The following GATAD2B variants were observed in gnomAD, a reference collection of about 807,000 sequenced individuals.
GATAD2B encodes GATA zinc finger domain containing 2B.
A neutral mutation model predicts 64.3 loss-of-function variants in GATAD2B; 8 were observed. The observed-to-expected ratio is 0.12, with a 90% CI of 0.07 to 0.22. The LOEUF is 0.22. Among genes scored for constraint, GATAD2B ranks in the 10% least tolerant of loss-of-function variants. The pLI, the probability that GATAD2B is intolerant of heterozygous loss-of-function variation, is 1.00. For synonymous variants in GATAD2B, 281 were observed against 271.3 expected (o/e 1.04, Z -0.35); for missense variants, 453 against 752.0 (o/e 0.60, Z 4.65).
chr1:153,902,246 G>A (rs142296813), intron 1 of GATAD2B, among the ~76,000 whole-genome samples: 3,683 of 151,718 alleles, frequency 0.024, 74 homozygotes, highest in Non-Finnish European at 0.041. Context: ...GCGCCACTGC[G>A]CTCCAGCCTG....
intron 1 of GATAD2B, among the ~76,000 whole-genome samples, chr1:153,870,370 A>G (rs974250600): frequency 2.0e-5 from 3 of 152,100 alleles, no homozygotes; most frequent in Non-Finnish European, 4.4e-5. Flanking sequence ...AGGAGATCGA[A>G]ACCATCCTGG....
At chr1:153,861,308 CT>C (rs989452895) in intron 1 of GATAD2B, among the ~76,000 whole-genome samples, 1 of 151,776 alleles carries the variant, frequency 6.6e-6, no homozygotes, top group Non-Finnish European at 1.5e-5. Flanking sequence ...CCCTAGCACT[CT>C]GGAAGGCCAA....
At chr1:153,863,782 C>T (rs921946116) in intron 1 of GATAD2B, among the ~76,000 whole-genome samples, 2 of 151,874 alleles carry the variant, frequency 1.3e-5, no homozygotes, top group Non-Finnish European at 2.9e-5. Flanking sequence ...TGCCACAATG[C>T]CTGGGTAATT....
chr1:153,893,753 T>C (rs997042452), intron 1 of GATAD2B, among the ~76,000 whole-genome samples: 21 of 149,884 alleles, frequency 1.4e-4, no homozygotes, highest in African/African-American at 5.2e-4. Context: ...GGGTCAGGAG[T>C]TCGAGAACAG....
chr1:153,839,604 GAA>G (rs1675406008), intron 1 of GATAD2B, among the ~76,000 whole-genome samples: 1 of 152,184 alleles, frequency 6.6e-6, no homozygotes, highest in Non-Finnish European at 1.5e-5. Flanking sequence ...TGTTACTTAT[GAA>G]AAGTTATCAG....
intron 1 of GATAD2B, among the ~76,000 whole-genome samples, chr1:153,865,017 C>T (rs1375900896): frequency 6.6e-6 from 1 of 152,106 alleles, no homozygotes; most frequent in Non-Finnish European, 1.5e-5. Context: ...TTGCGGTAAG[C>T]CGAGATCCCG....
At position 153,806,222 on chromosome 1, in the gene GATAD2B, G is replaced by A. The variant is rs1023380938; in HGVS notation, c.*3955C>T. On this transcript the variant is annotated 3_prime_UTR_variant, in exon 11 of 11. Coordinates refer to ENST00000368655, the MANE Select transcript of GATAD2B (RefSeq NM_020699.4). ...GCCCCCGGGAACTGCCCCATTCCTC[G>A]GCTACCTCCCAGCCCCCAGCACTTC... is the stretch of plus-strand genomic sequence containing the variant. 4 of 152,126 alleles carry A rather than the reference G, an allele frequency of 2.6e-5. No individual in the cohort carries two copies. The highest frequency in any genetic ancestry group is 1.9e-4 in the East Asian group (1 of 5,196). The allele number at this position is 152,126 out of a possible 1,614,324, so 9.4% of individuals were successfully genotyped here.
intron 2 of GATAD2B, among the ~76,000 whole-genome samples, chr1:153,820,924 A>G (rs796906344): frequency 3.4e-5 from 5 of 148,446 alleles, no homozygotes; most frequent in African/African-American, 7.5e-5. Context: ...ACAGATCGCT[A>G]GCTGTCCACT....
rs71093286 is a variant in GATAD2B at position 153,816,059 on chromosome 1, A to AACACACACACACACACACACAC, written c.1216+192_1216+213dup. Among the ~76,000 whole-genome samples the AACACACACACACACACACACAC allele has an allele frequency of 2.5e-4, 35 of 141,882 alleles. No individual in the cohort carries two copies. The highest frequency in any genetic ancestry group is 1.9e-3 in the South Asian group (8 of 4,290). 93.1% of individuals were successfully genotyped at this position (141,882 alleles called of 152,430 possible). The stretch of plus-strand genomic sequence containing the variant: ...CAGAGCGAGACTGCATCTCAAACAA[A>AACACACACACACACACACACAC]ACACACACACACACACACACACACA... On this transcript the variant is annotated intron_variant, in intron 7 of 10. Coordinates refer to ENST00000368655, the MANE Select transcript of GATAD2B (RefSeq NM_020699.4). The surrounding 1 kb of genome is among the most constrained non-coding windows in gnomAD (Gnocchi z 4.9).
At chr1:153,920,441 C>A (rs1557837702) in intron 1 of GATAD2B, among the ~76,000 whole-genome samples, 1 of 152,232 alleles carries the variant, frequency 6.6e-6, no homozygotes, top group Admixed American at 6.5e-5. Context: ...TCTGCCACCA[C>A]CCTGTGGCCC....
At chr1:153,922,073 G>A (rs941313426) in intron 1 of GATAD2B, 1 of 152,272 alleles carries the variant, frequency 6.6e-6, no homozygotes, top group African/African-American at 2.4e-5. Flanking sequence ...CATAGCCTGA[G>A]ACAATTCTCT....
rs148751483 is a variant in GATAD2B, at chr1:153,846,253, G to T, written c.-1-17905C>A. ...GCTTCCTTCTTGCTATGTTTGTTTTGAGACAGTCTCACTCTGTCACCCAGG... is the reference window on the plus strand; with the variant it reads ...GCTTCCTTCTTGCTATGTTTGTTTTTAGACAGTCTCACTCTGTCACCCAGG... On this transcript the variant is annotated intron_variant, in intron 1 of 10. Coordinates refer to ENST00000368655, the MANE Select transcript of GATAD2B (RefSeq NM_020699.4). Among the ~76,000 whole-genome samples the T allele has an allele frequency of 9.5e-3, 1,441 of 151,846 alleles. 14 individuals are homozygous for T. The highest frequency in any genetic ancestry group is 0.072 in the Middle Eastern group (21 of 292).
At chr1:153,824,940 G>A (rs1674817284) in intron 2 of GATAD2B, among the ~76,000 whole-genome samples, 1 of 152,032 alleles carries the variant, frequency 6.6e-6, no homozygotes, top group African/African-American at 2.4e-5. Flanking sequence ...AAAACAATTA[G>A]CTGGGTACAG....
intron 5 of GATAD2B, among the ~76,000 whole-genome samples, 179 bp from the exon 6 acceptor site, chr1:153,817,721 C>A (rs879004725): frequency 1.3e-5 from 2 of 152,122 alleles, no homozygotes; most frequent in South Asian, 2.1e-4. Flanking sequence ...TCATTGTAAA[C>A]CCTGATTAGT....
chr1:153,852,721 T>C (rs1570960162), intron 1 of GATAD2B: 1 of 929,988 alleles, frequency 1.1e-6, no homozygotes, highest in East Asian at 2.4e-5. Flanking sequence ...TCATACGAAG[T>C]GAAGCTTGGT....
intron 1 of GATAD2B, among the ~76,000 whole-genome samples, chr1:153,849,466 C>A (rs1224869140): frequency 2.0e-5 from 3 of 152,158 alleles, no homozygotes; most frequent in Non-Finnish European, 4.4e-5. Flanking sequence ...ATTTTATAAT[C>A]TTATGTCCAA....
At chr1:153,875,341 T>C (rs1485909893) in intron 1 of GATAD2B, among the ~76,000 whole-genome samples, 1 of 151,720 alleles carries the variant, frequency 6.6e-6, no homozygotes, top group Non-Finnish European at 1.5e-5. Context: ...ACACTAACAC[T>C]AAAGATAGCT....
rs61804836 is a variant in GATAD2B, at chr1:153,867,068, G to T, written c.-1-38720C>A. 6.5e-3 allele frequency among the ~76,000 whole-genome samples: 985 copies of T among 152,138 alleles called. 4 individuals are homozygous for T. Among genetic ancestry groups the T allele is most frequent in the Middle Eastern group, 0.01 (3 of 294 alleles). On this transcript the variant is annotated intron_variant, in intron 1 of 10. Coordinates refer to ENST00000368655, the MANE Select transcript of GATAD2B (RefSeq NM_020699.4). ...GCTGGTATTACAGACTCAAGCCACC[G>T]CCACCTGGCCTCCAATATACCATTT...
chr1:153,832,394 G>C (rs541126119), intron 1 of GATAD2B, among the ~76,000 whole-genome samples: 7 of 152,198 alleles, frequency 4.6e-5, no homozygotes, highest in African/African-American at 9.6e-5. Context: ...TTAAGCCAAA[G>C]CGTAATTCAG....
Sources: gnomAD v4.1 joint callset for allele counts (sites outside exome capture counted in the v4.1 genomes callset) on GRCh38, gnomAD v4.1.1 for gene constraint, Gnocchi (gnomAD v3.1) non-coding constraint, MANE v1.5 for transcripts, NCBI Gene and HGNC (gene_info 2026-07-23, HGNC 2026-07-21) for gene names.